Variants in RAP1GAP2 observed in about 807,000 individuals in gnomAD.
RAP1GAP2 encodes RAP1 GTPase activating protein 2.
In RAP1GAP2, 27 loss-of-function variants were observed where a neutral mutation model predicts 95.0. The ratio of observed to expected loss-of-function variants is 0.28; its 90% CI spans 0.21 to 0.39. The LOEUF (loss-of-function observed/expected upper bound fraction) is 0.39, where lower values mean the gene tolerates loss of function less well. Ranked by LOEUF, RAP1GAP2 falls within the 10% of genes least tolerant of loss-of-function variation. RAP1GAP2 has a pLI of 1.00. For missense variants in RAP1GAP2, 771 were observed against 970.0 expected, an observed-to-expected ratio of 0.79 and a Z score of 2.72; for synonymous variants, 373 against 380.9, an observed-to-expected ratio of 0.98 and a Z score of 0.24.
chr17:2,850,306 C>CT (rs943346106), intron 2 of RAP1GAP2, among the ~76,000 whole-genome samples: 1 of 151,574 alleles, frequency 6.6e-6, no homozygotes, highest in Admixed American at 6.6e-5. Context: ...GGCCCGCCTG[C>CT]TTTTTTAAGG....
chr17:2,785,673 A>T (rs1390236531), intron 1 of RAP1GAP2, among the ~76,000 whole-genome samples: 1 of 152,158 alleles, frequency 6.6e-6, no homozygotes, highest in Non-Finnish European at 1.5e-5. Context: ...AAAAAGGCCA[A>T]GAATTTCTTT....
intron 4 of RAP1GAP2, among the ~76,000 whole-genome samples, chr17:2,961,890 A>ATTTTTTT (rs34857082): frequency 1.2e-4 from 13 of 111,978 alleles, no homozygotes; most frequent in African/African-American, 3.5e-4. Flanking sequence ...GACCCTAAGG[A>ATTTTTTT]TTTTTTTTTT....
intron 1 of RAP1GAP2, among the ~76,000 whole-genome samples, chr17:2,764,869 AC>A (rs1032099786): frequency 6.6e-6 from 1 of 152,214 alleles, no homozygotes; most frequent in African/African-American, 2.4e-5. Flanking sequence ...CTCGGAGGCA[AC>A]CAGGTTTACC....
intron 1 of RAP1GAP2, among the ~76,000 whole-genome samples, chr17:2,782,841 C>A (rs2068689299): frequency 6.6e-6 from 1 of 152,114 alleles, no homozygotes; most frequent in Admixed American, 6.6e-5. Context: ...CATGGTGAAA[C>A]CCCGTCTCTA....
chr17:2,800,835 TTTTCTTTC>T (rs139546870), intron 2 of RAP1GAP2, among the ~76,000 whole-genome samples: 33,596 of 138,652 alleles, frequency 0.24, 4,235 homozygotes, highest in African/African-American at 0.31. Context: ...TTCTTTTTCT[TTTTCTTTC>T]TTTCTTTCTT....
rs192873686 is a variant in RAP1GAP2, at chr17:2,914,220, G to A, written c.165+8852G>A. Reference sequence around the variant, plus strand: ...GCTACACTGTTTGCCAAATGGTCAGGCCATCTTATATCCTCACCAGCAGTG... The same window carrying A: ...GCTACACTGTTTGCCAAATGGTCAGACCATCTTATATCCTCACCAGCAGTG... On this transcript the variant is annotated intron_variant, in intron 3 of 24. Coordinates refer to ENST00000254695, the MANE Select transcript of RAP1GAP2 (RefSeq NM_015085.5). Among the ~76,000 whole-genome samples the A allele has an allele frequency of 1.6e-4, 24 of 152,156 alleles. No individual in the cohort carries two copies. In the East Asian group the frequency reaches 4.6e-3, roughly 29 times the overall value.
intron 2 of RAP1GAP2, among the ~76,000 whole-genome samples, chr17:2,805,783 T>C (rs2069491600): frequency 6.6e-6 from 1 of 152,080 alleles, no homozygotes; most frequent in African/African-American, 2.4e-5. Context: ...TGTCTGTCTG[T>C]CTGCTGCATG....
At chr17:2,889,539 C>A (rs191521217) in intron 2 of RAP1GAP2, among the ~76,000 whole-genome samples, 1 of 152,080 alleles carries the variant, frequency 6.6e-6, no homozygotes, top group Non-Finnish European at 1.5e-5. Context: ...ACTTTCCAGC[C>A]GTGAAATACT....
At position 2,826,701 on chromosome 17, in the gene RAP1GAP2, C is replaced by T. The variant is rs191885577; in HGVS notation, c.80+26151C>T. Among the ~76,000 whole-genome samples the T allele has an allele frequency of 4.4e-3, 673 of 152,096 alleles. 4 individuals carry two copies. Among genetic ancestry groups the T allele is most frequent in the African/African-American group, 0.016 (656 of 41,520 alleles). Reference sequence around the variant, plus strand: ...ATCCTGAGCCCAGGCATCTAGCCCACGTGCAGCATGAAAGGAGGATTTCCG... The same window carrying T: ...ATCCTGAGCCCAGGCATCTAGCCCATGTGCAGCATGAAAGGAGGATTTCCG... On this transcript the variant is annotated intron_variant, in intron 2 of 24. Transcript: ENST00000254695.
At chr17:2,976,903 G>A (rs1287867998) in intron 8 of RAP1GAP2, among the ~76,000 whole-genome samples, 2 of 152,092 alleles carry the variant, frequency 1.3e-5, no homozygotes, top group African/African-American at 2.4e-5. Flanking sequence ...GGGAGGCTGA[G>A]GCGGGTGGAT....
At chr17:2,931,628 C>A (rs1271713622) in intron 3 of RAP1GAP2, among the ~76,000 whole-genome samples, 1 of 152,184 alleles carries the variant, frequency 6.6e-6, no homozygotes, top group Non-Finnish European at 1.5e-5. Context: ...TGCGGTTGTT[C>A]ATGTATAATT....
chr17:2,983,081 C>T lies in RAP1GAP2; in HGVS notation c.729+1833C>T, dbSNP rs569854163. 5.3e-5 allele frequency among the ~76,000 whole-genome samples: 8 copies of T among 152,306 alleles called. No homozygotes were observed. In the East Asian group the frequency reaches 5.8e-4, roughly 11 times the overall value. On this transcript the variant is annotated intron_variant, in intron 10 of 24. Transcript: ENST00000254695. The stretch of plus-strand genomic sequence containing the variant: ...GTCGCTGGGGGAGCTGCGAAGCGTC[C>T]GTTTCCCCAGACAGCTGACAGCTGA...
rs1393850379 is a variant in RAP1GAP2 at position 2,853,954 on chromosome 17, G to A, written c.81-51330G>A. The A allele has an allele frequency of 7.1e-6, 7 of 983,048 alleles. No individual in the cohort carries two copies. In the South Asian group the frequency reaches 1.4e-4, roughly 20 times the overall value. The allele number at this position is 983,048 out of a possible 1,614,324, so 60.9% of individuals were successfully genotyped here. On this transcript the variant is annotated intron_variant, in intron 2 of 24. Transcript: ENST00000254695. The stretch of plus-strand genomic sequence containing the variant: ...GGAGCGCGCGGAGCCGGGGCTGCGG[G>A]GACGCGGGCGGGCGAGGTCGGGCAC...
chr17:2,830,910 T>C (rs995268026), intron 2 of RAP1GAP2, among the ~76,000 whole-genome samples: 3 of 145,830 alleles, frequency 2.1e-5, no homozygotes, highest in Non-Finnish European at 4.5e-5. Context: ...ACATGTAAGA[T>C]GAGCATATCC....
intron 3 of RAP1GAP2, among the ~76,000 whole-genome samples, chr17:2,919,879 G>T (rs1007544855): frequency 2.0e-5 from 3 of 151,868 alleles, no homozygotes; most frequent in South Asian, 2.1e-4. Flanking sequence ...TTTTGTATTT[G>T]TAGTAGAGAT....
At chr17:3,025,903 C>T in intron 19 of RAP1GAP2, 105 bp from the exon 20 acceptor site, 1 of 818,194 alleles carries the variant, frequency 1.2e-6, no homozygotes, top group Non-Finnish European at 2.0e-6. Context: ...GCGCTCTGAC[C>T]CCACTGCCCC....
At chr17:2,835,303 T>A (rs1405177362) in intron 2 of RAP1GAP2, among the ~76,000 whole-genome samples, 1 of 152,092 alleles carries the variant, frequency 6.6e-6, no homozygotes, top group Non-Finnish European at 1.5e-5. Context: ...CACTGCAAAC[T>A]CCACCTCACG....
Position 2,803,458 on chromosome 17 carries a change from G to A in RAP1GAP2, c.80+2908G>A, listed in dbSNP as rs140673407. ...TGGTTGAACCAGGAACTGGAAACCC[G>A]TTGCCATCAAAATCCCAGCTGGCTT... On this transcript the variant is annotated intron_variant, in intron 2 of 24. Coordinates refer to ENST00000254695, the MANE Select transcript of RAP1GAP2 (RefSeq NM_015085.5). Among the ~76,000 whole-genome samples the A allele has an allele frequency of 5.6e-4, 85 of 152,324 alleles. 1 individual carries two copies. Among genetic ancestry groups the A allele is most frequent in the African/African-American group, 1.3e-3 (53 of 41,576 alleles).
intron 19 of RAP1GAP2, among the ~76,000 whole-genome samples, chr17:3,022,897 A>T (rs1597897787): frequency 6.6e-6 from 1 of 152,140 alleles, no homozygotes; most frequent in Non-Finnish European, 1.5e-5. Context: ...TTTTGATTTG[A>T]TTTTTATGTA....
Sources: gnomAD v4.1 joint callset for allele counts (sites outside exome capture counted in the v4.1 genomes callset) on GRCh38, gnomAD v4.1.1 for gene constraint, MANE v1.5 for transcripts, NCBI Gene and HGNC (gene_info 2026-07-23, HGNC 2026-07-21) for gene names.